DHX38: variants seen among roughly 807,000 people sequenced by gnomAD.
DHX38 encodes the protein pre-mRNA-splicing factor ATP-dependent RNA helicase PRP16.
In DHX38, 100 loss-of-function variants were observed where a neutral mutation model predicts 153.1. That is an observed-to-expected ratio of 0.65 (90% CI 0.56 to 0.77). The LOEUF is 0.77. Ranked by LOEUF, DHX38 falls within the 30% of genes least tolerant of loss-of-function variation. DHX38 has a pLI of 0.00. For synonymous variants in DHX38, 650 were observed against 631.7 expected, an observed-to-expected ratio of 1.03 and a Z score of -0.43; for missense variants, 1,440 against 1,654.0, an observed-to-expected ratio of 0.87 and a Z score of 2.24.
In DHX38 at chr16:72,109,012, T is replaced by A. The variant is rs142515169; in HGVS notation, c.3381+87T>A. ...CTTCACTGCGTTCTGGCATGAGCTT[T>A]TAGCCTGGGAGCCTTGAGGCCACAT... On this transcript the variant is annotated intron_variant, in intron 24 of 26. Coordinates refer to ENST00000268482, the MANE Select transcript of DHX38 (RefSeq NM_014003.4). 428 of 1,505,728 alleles carry A rather than the reference T, an allele frequency of 2.8e-4. 9 individuals carry two copies. The South Asian group carries it at 5.4e-3, about 19-fold the overall frequency. The allele number at this position is 1,505,728 out of a possible 1,614,324, so 93.3% of individuals were successfully genotyped here.
At chr16:72,095,180 G>C (rs748166388) in intron 1 of DHX38, among the ~76,000 whole-genome samples, 1 of 152,240 alleles carries the variant, frequency 6.6e-6, no homozygotes, top group South Asian at 2.1e-4. Flanking sequence ...GATATATGTT[G>C]ATGAGTGGCA....
At chr16:72,094,179 C>T (rs2144121013) in intron 1 of DHX38, 128 bp downstream of exon 1, 1 of 153,052 alleles carries the variant, frequency 6.5e-6, no homozygotes, top group Non-Finnish European at 1.5e-5. Context: ...CTGTCACCCA[C>T]CTTGCCTTAC....
intron 7 of DHX38, 75 bp from the exon 8 acceptor site, chr16:72,099,657 C>T: frequency 6.3e-7 from 1 of 1,577,866 alleles, no homozygotes; most frequent in Non-Finnish European, 8.6e-7. Flanking sequence ...CCAAGCGTCC[C>T]TTCTTCTGTT....
chr16:72,105,077 G>A lies in DHX38; in HGVS notation c.2202G>A (p.Val734=). 1.2e-6 allele frequency: 2 copies of A among 1,614,230 alleles called. No individual in the cohort carries two copies. Among genetic ancestry groups the A allele is most frequent in the East Asian group, 2.2e-5 (1 of 44,884 alleles). ...VEAAVKQSLQ[V]HLSGAPGDIL... The stretch of plus-strand genomic sequence containing the variant: ...CTGCAGTGAAGCAGTCCTTGCAGGT[G>A]CACCTGTCGGGGGCCCCTGGAGACA... Residue 734 remains valine (V), a synonymous_variant, in exon 16 of 27, where the codon GTG becomes GTA. Coordinates refer to ENST00000268482, the MANE Select transcript of DHX38 (RefSeq NM_014003.4).
Position 72,107,496 on chromosome 16 carries a change from C to T in DHX38, c.2757C>T (p.Asn919=). 1 of 1,614,212 alleles carries T rather than the reference C, an allele frequency of 6.2e-7. No homozygotes were observed. The change falls in exon 20 of 27, where the codon AAC becomes AAT. Residue 919 remains asparagine (N), a synonymous_variant. Coordinates refer to ENST00000268482, the MANE Select transcript of DHX38 (RefSeq NM_014003.4). This position sits in a 1 kb window ranked among gnomAD's most constrained non-coding sequence, Gnocchi z 5.3. ...FHFMDPPPED[N]MLNSMYQLWI... Reference sequence around the variant, plus strand: ...TCATGGACCCGCCCCCGGAGGACAACATGCTCAACTCTATGTATCAGCTCT... The same window carrying T: ...TCATGGACCCGCCCCCGGAGGACAATATGCTCAACTCTATGTATCAGCTCT...
At chr16:72,112,259 C>T in intron 26 of DHX38, 154 bp from the exon 27 acceptor site, 1 of 677,172 alleles carries the variant, frequency 1.5e-6, no homozygotes. Flanking sequence ...ATGGGGACGG[C>T]AGAGGAGTGA....
intron 19 of DHX38, among the ~76,000 whole-genome samples, chr16:72,106,383 T>G (rs923680440): frequency 1.3e-5 from 2 of 151,946 alleles, no homozygotes; most frequent in Non-Finnish European, 2.9e-5. Context: ...CTTCAGAGGG[T>G]AGGTCTGGAC....
rs776651153 is a variant in DHX38, at chr16:72,107,742, C to T, written c.2907C>T (p.Ser969=). Residue 969 remains serine, a synonymous_variant, in exon 21 of 27, where the codon TCC becomes TCT. Coordinates refer to ENST00000268482, the MANE Select transcript of DHX38 (RefSeq NM_014003.4). The surrounding 1 kb of genome is among the most constrained non-coding windows in gnomAD (Gnocchi z 5.3). ...LIVSCDMGCS[S]EILLIVSMLS... is the part of the protein sequence containing the mutation. Reference sequence around the variant, plus strand: ...TGTCCTGTGACATGGGCTGCAGCTCCGAGATCCTGCTCATCGTTTCCATGC... The same window carrying T: ...TGTCCTGTGACATGGGCTGCAGCTCTGAGATCCTGCTCATCGTTTCCATGC... The T allele has an allele frequency of 1.4e-5, 22 of 1,614,102 alleles. No individual in the cohort carries two copies. Among genetic ancestry groups the T allele is most frequent in the South Asian group, 3.3e-5 (3 of 91,076 alleles).
At chr16:72,101,333 G>C (rs767972553) in intron 10 of DHX38, 140 bp downstream of exon 10, 62 of 1,158,628 alleles carry the variant, frequency 5.4e-5, no homozygotes, top group Non-Finnish European at 7.0e-5. Context: ...TGCGGGGCCT[G>C]GTGTTGGGAG....
Position 72,105,152 on chromosome 16 carries a change from C to G in DHX38, c.2262+15C>G. ...AGGACATTGAGGTGCGTGCCTTGGT[C>G]ACGACTGTGATGAGCGGGTGTGTCT... is the stretch of plus-strand genomic sequence containing the variant. On this transcript the variant is annotated intron_variant, in intron 16 of 26. Coordinates refer to ENST00000268482, the MANE Select transcript of DHX38 (RefSeq NM_014003.4). 1 of 1,614,088 alleles carries G rather than the reference C, an allele frequency of 6.2e-7. No individual in the cohort carries two copies. The highest frequency in any genetic ancestry group is 1.1e-5 in the South Asian group (1 of 91,068).
At chr16:72,096,740 C>A (rs1244607683) in intron 2 of DHX38, 82 bp from the exon 3 acceptor site, 27 of 1,520,970 alleles carry the variant, frequency 1.8e-5, no homozygotes, top group Non-Finnish European at 2.3e-5. Context: ...AAGGACAGAT[C>A]ACTTGTTTGG....
intron 26 of DHX38, 31 bp from the exon 27 acceptor site, chr16:72,112,382 T>G (rs767558008): frequency 6.2e-7 from 1 of 1,601,330 alleles, no homozygotes; most frequent in South Asian, 1.1e-5. Context: ...GAGGGCACGG[T>G]GTTTCCTGAT....
At chr16:72,099,622 G>A in intron 7 of DHX38, 110 bp from the exon 8 acceptor site, 1 of 1,435,250 alleles carries the variant, frequency 7.0e-7, no homozygotes, top group Non-Finnish European at 9.5e-7. Context: ...CACAAGGGTA[G>A]CTCCACTGCA....
Position 72,104,182 on chromosome 16 carries a change from A to T in DHX38, c.2010+51A>T. The stretch of plus-strand genomic sequence containing the variant: ...CTGCGCATGGGGTGTTGACCAGTGC[A>T]CCACCAGTAGCTAGTGGGTTGCTCC... On this transcript the variant is annotated intron_variant, in intron 14 of 26. Coordinates refer to ENST00000268482, the MANE Select transcript of DHX38 (RefSeq NM_014003.4). This position sits in a 1 kb window ranked among gnomAD's most constrained non-coding sequence, Gnocchi z 4.5. 6.3e-7 allele frequency: 1 copy of T among 1,589,898 alleles called. No individual in the cohort carries two copies. The highest frequency in any genetic ancestry group is 8.6e-7 in the Non-Finnish European group (1 of 1,163,880).
Position 72,096,856 on chromosome 16 carries a change from C to T in DHX38, c.358C>T (p.His120Tyr), listed in dbSNP as rs1489752757. The change falls in exon 3 of 27, where the codon CAT becomes TAT. Residue 120 changes from histidine (H) to tyrosine (Y), a missense_variant. Physicochemically the swap from His to Tyr is moderately conservative, Grantham distance 83. Transcript: ENST00000268482. ...YRSARVETPS[H>Y]PGGVSEEFWE... ...GTCTGCTCGGGTAGAGACTCCATCCCATCCGGGTGGTGTGAGCGAAGAGTT... is the reference window on the plus strand; with the variant it reads ...GTCTGCTCGGGTAGAGACTCCATCCTATCCGGGTGGTGTGAGCGAAGAGTT... 9.3e-6 allele frequency: 15 copies of T among 1,613,748 alleles called. No individual in the cohort carries two copies. The highest frequency in any genetic ancestry group is 1.3e-5 in the Non-Finnish European group (15 of 1,179,886).
At position 72,096,412 on chromosome 16, in the gene DHX38, C is replaced by T; in HGVS notation, c.255C>T (p.Ser85=). Residue 85 remains serine, a synonymous_variant, in exon 2 of 27, where the codon AGC becomes AGT. Coordinates refer to ENST00000268482, the MANE Select transcript of DHX38 (RefSeq NM_014003.4). Reference sequence around the variant, plus strand: ...CCTCCTACAAGGACTGGGAAGAGAGCAAGGATGACCAGAAGGATGCTGAGG... The same window carrying T: ...CCTCCTACAAGGACTGGGAAGAGAGTAAGGATGACCAGAAGGATGCTGAGG... ...KVSSYKDWEE[S]KDDQKDAEEE... is the part of the protein sequence containing the mutation. The T allele has an allele frequency of 1.9e-6, 3 of 1,613,992 alleles. No individual in the cohort carries two copies. The African/African-American group carries it at 4.0e-5, about 22-fold the overall frequency.
intron 18 of DHX38, among the ~76,000 whole-genome samples, 180 bp downstream of exon 18, chr16:72,105,804 G>A (rs1042553853): frequency 6.6e-6 from 1 of 152,158 alleles, no homozygotes; most frequent in Admixed American, 6.5e-5. Context: ...TGTAATACTC[G>A]ATGAGGTAGA....
chr16:72,104,164 TG>T lies in DHX38; in HGVS notation c.2010+37del. ...CTGTGTGGTTTGGTCTCTCTGCGCATGGGGTGTTGACCAGTGCACCACCAGT... is the reference window on the plus strand; with the variant it reads ...CTGTGTGGTTTGGTCTCTCTGCGCATGGGTGTTGACCAGTGCACCACCAGT... On this transcript the variant is annotated intron_variant, in intron 14 of 26. Coordinates refer to ENST00000268482, the MANE Select transcript of DHX38 (RefSeq NM_014003.4). This position sits in a 1 kb window ranked among gnomAD's most constrained non-coding sequence, Gnocchi z 4.5. 1 of 1,607,068 alleles carries T rather than the reference TG, an allele frequency of 6.2e-7. No individual in the cohort carries two copies. Among genetic ancestry groups the T allele is most frequent in the Non-Finnish European group, 8.5e-7 (1 of 1,175,184 alleles).
chr16:72,112,836 C>G lies in DHX38; in HGVS notation c.*339C>G. 1.4e-6 allele frequency: 1 copy of G among 697,102 alleles called. No individual in the cohort carries two copies. Among genetic ancestry groups the G allele is most frequent in the Middle Eastern group, 2.3e-4 (1 of 4,318 alleles). The allele number at this position is 697,102 out of a possible 1,614,324, so 43.2% of individuals were successfully genotyped here. On this transcript the variant is annotated 3_prime_UTR_variant, in exon 27 of 27. Transcript: ENST00000268482. ...CTTTTTTAATCCTTGTGTAAAGCAG[C>G]AAAAAAGACCTAAAGGGAATTGTAA... is the stretch of plus-strand genomic sequence containing the variant.
Sources: allele counts gnomAD v4.1 joint callset (sites outside exome capture counted in the v4.1 genomes callset), GRCh38; gene constraint gnomAD v4.1.1; non-coding constraint Gnocchi (gnomAD v3.1); transcripts MANE v1.5; gene names NCBI Gene and HGNC (gene_info 2026-07-23, HGNC 2026-07-21).